ACACA: variants seen among roughly 807,000 people sequenced by gnomAD.
ACACA encodes the protein acetyl-CoA carboxylase alpha, also known as acetyl-CoA carboxylase 1.
A neutral mutation model predicts 296.1 loss-of-function variants in ACACA; 103 were observed. That is an observed-to-expected ratio of 0.35 (90% confidence interval 0.30 to 0.41). ACACA has a LOEUF of 0.41. Ranked by LOEUF, ACACA falls within the 10% of genes least tolerant of loss-of-function variation. The pLI is 1.00. For synonymous variants in ACACA, 953 were observed against 1,038.6 expected (o/e 0.92, Z 1.58); for missense variants, 1,554 against 2,989.7 (o/e 0.52, Z 11.20).
At chr17:37,398,297 T>TC (rs2051154205) in intron 1 of ACACA, among the ~76,000 whole-genome samples, 1 of 146,010 alleles carries the variant, frequency 6.8e-6, no homozygotes, top group Non-Finnish European at 1.5e-5. Flanking sequence ...TTTTTTTTTT[T>TC]TTTTTTGAGA....
chr17:37,300,436 T>C (rs1330597211), intron 3 of ACACA, among the ~76,000 whole-genome samples: 2 of 152,176 alleles, frequency 1.3e-5, no homozygotes, highest in Non-Finnish European at 2.9e-5. Flanking sequence ...AAAGACAACT[T>C]CCTGAGGCAA....
chr17:37,376,112 T>G, intron 1 of ACACA: 2 of 1,613,222 alleles, frequency 1.2e-6, no homozygotes, highest in Non-Finnish European at 1.7e-6. Context: ...ATCTTGGTCT[T>G]CAGCCTAATC....
rs570240095 is a variant in ACACA at position 37,253,253 on chromosome 17, G to A, written c.1827-217C>T. On this transcript the variant is annotated intron_variant, in intron 14 of 55. Coordinates refer to ENST00000616317, the MANE Select transcript of ACACA (RefSeq NM_198834.3). Reference sequence around the variant, plus strand: ...TAAAAATACAAAAAATTAGCCAGGCGTGGTGGCGGGCGCCTGTAGTCCCAG... The same window carrying A: ...TAAAAATACAAAAAATTAGCCAGGCATGGTGGCGGGCGCCTGTAGTCCCAG... Among the ~76,000 whole-genome samples the A allele has an allele frequency of 9.9e-5, 15 of 152,136 alleles. No homozygotes were observed. In the South Asian group the frequency reaches 2.3e-3, roughly 23 times the overall value.
intron 1 of ACACA, among the ~76,000 whole-genome samples, chr17:37,375,083 A>G (rs959688417): frequency 6.6e-6 from 1 of 152,100 alleles, no homozygotes; most frequent in Non-Finnish European, 1.5e-5. Flanking sequence ...AATCCCAGCT[A>G]TTCAGGAGAC....
chr17:37,270,899 G>T, intron 9 of ACACA, 38 bp from the exon 10 acceptor site: 1 of 1,519,572 alleles, frequency 6.6e-7, no homozygotes. Context: ...AAGAAACAGT[G>T]TTATTACCAG....
At chr17:37,124,654 CTGGG>C (rs1426144869) in intron 48 of ACACA, among the ~76,000 whole-genome samples, 2 of 152,136 alleles carry the variant, frequency 1.3e-5, no homozygotes, top group Non-Finnish European at 2.9e-5. Context: ...ACTGAGAAGC[CTGGG>C]GTGAGATAAA....
At chr17:37,364,300 AAAAAG>A (rs1236644580) in intron 1 of ACACA, among the ~76,000 whole-genome samples, 1 of 151,778 alleles carries the variant, frequency 6.6e-6, no homozygotes, top group African/African-American at 2.4e-5. Context: ...CCATCTCAAA[AAAAAG>A]AAAAGAGTCC....
intron 45 of ACACA, among the ~76,000 whole-genome samples, chr17:37,147,060 C>T (rs142086243): frequency 6.6e-6 from 1 of 151,840 alleles, no homozygotes; most frequent in East Asian, 1.9e-4. Flanking sequence ...GATTTTTTTC[C>T]CCTACAACCT....
chr17:37,135,994 G>T (rs939076887), intron 45 of ACACA, among the ~76,000 whole-genome samples: 1 of 148,456 alleles, frequency 6.7e-6, no homozygotes, highest in Non-Finnish European at 1.5e-5. Context: ...CAATCCTCTC[G>T]CCTCAGTTTC....
intron 52 of ACACA, among the ~76,000 whole-genome samples, chr17:37,102,261 G>A (rs1430752598): frequency 3.5e-5 from 5 of 142,040 alleles, no homozygotes; most frequent in Non-Finnish European, 7.5e-5. Context: ...CTGGAGTGCA[G>A]TGGCACGATC....
intron 45 of ACACA, chr17:37,141,122 G>T: frequency 2.1e-6 from 1 of 468,286 alleles, no homozygotes; most frequent in Non-Finnish European, 4.2e-6. Context: ...CTGATGTGCT[G>T]GCAAGCACGC....
chr17:37,353,905 C>T (rs568901260), intron 1 of ACACA, among the ~76,000 whole-genome samples: 13 of 151,926 alleles, frequency 8.6e-5, no homozygotes, highest in South Asian at 6.2e-4. Flanking sequence ...CCTAGGAGTT[C>T]GAAACCAGCC....
intron 39 of ACACA, among the ~76,000 whole-genome samples, chr17:37,185,768 C>T (rs924944305): frequency 2.0e-5 from 3 of 151,964 alleles, no homozygotes; most frequent in African/African-American, 7.3e-5. Context: ...AGGCTTTCAC[C>T]TTGTTGGTCA....
At chr17:37,146,697 A>AGGAGAGAGAAAG (rs2075825219) in intron 45 of ACACA, among the ~76,000 whole-genome samples, 2 of 132,832 alleles carry the variant, frequency 1.5e-5, no homozygotes, top group African/African-American at 5.8e-5. Flanking sequence ...GGATTTGGAG[A>AGGAGAGAGAAAG]GGAGAGAGAA....
At chr17:37,125,831 C>G (rs1398217997) in intron 47 of ACACA, 37 bp from the exon 48 acceptor site, 2 of 1,539,426 alleles carry the variant, frequency 1.3e-6, no homozygotes, top group East Asian at 2.3e-5. Flanking sequence ...AGAATAAGGA[C>G]AGTGAATCCA....
chr17:37,110,754 C>T (rs2073932755), intron 52 of ACACA, among the ~76,000 whole-genome samples: 1 of 152,172 alleles, frequency 6.6e-6, no homozygotes, highest in Non-Finnish European at 1.5e-5. Context: ...TAAAGGCAAT[C>T]TCTGTTCCTT....
chr17:37,349,893 A>G (rs1280320960), intron 1 of ACACA, among the ~76,000 whole-genome samples: 1 of 152,162 alleles, frequency 6.6e-6, no homozygotes, highest in Non-Finnish European at 1.5e-5. Context: ...AGGGAAAAGT[A>G]TCTTTACAAT....
chr17:37,214,282 C>T (rs2078886896), intron 29 of ACACA, among the ~76,000 whole-genome samples: 1 of 152,228 alleles, frequency 6.6e-6, no homozygotes. Flanking sequence ...CGTATTTCTA[C>T]TGGCATCTCC....
intron 16 of ACACA, among the ~76,000 whole-genome samples, chr17:37,250,887 C>T (rs560761294): frequency 2.6e-5 from 4 of 151,894 alleles, no homozygotes; most frequent in South Asian, 2.1e-4. Flanking sequence ...ATTAGCCGGG[C>T]CTGGTGGCAG....
Sources: allele counts gnomAD v4.1 joint callset (sites outside exome capture counted in the v4.1 genomes callset), GRCh38; gene constraint gnomAD v4.1.1; transcripts MANE v1.5; gene names NCBI Gene and HGNC (gene_info 2026-07-23, HGNC 2026-07-21).